USP6NL: variants seen among roughly 807,000 people sequenced by gnomAD.
USP6NL encodes the protein USP6 N-terminal-like protein.
USP6NL carries 26 observed loss-of-function variants against 61.9 expected under a neutral mutation model. That is an observed-to-expected ratio of 0.42 (90% CI 0.31 to 0.58). The LOEUF is 0.58. USP6NL is among the 20% of genes least tolerant of loss of function. The probability of loss-of-function intolerance (pLI) is 0.16; values close to 1 mark genes in which losing one functional copy is unlikely to be tolerated. For missense variants in USP6NL, 1,114 were observed against 1,034.3 expected (o/e 1.08, Z -1.06); for synonymous variants, 432 against 390.1 (o/e 1.11, Z -1.27).
Position 11,471,411 on chromosome 10 carries a change from A to G in USP6NL, c.1079-7562T>C, listed in dbSNP as rs547752233. ...AACTAGTTCAACCATTGTGGAAGTC[A>G]GTGTGGCGATTCCTCAAGGATCTAG... On this transcript the variant is annotated intron_variant, in intron 14 of 14. Transcript: ENST00000609104. 2.0e-4 allele frequency among the ~76,000 whole-genome samples: 31 copies of G among 152,322 alleles called. No homozygotes were observed. In the East Asian group the frequency reaches 6.0e-3, roughly 29 times the overall value.
At chr10:11,608,495 C>T (rs927217409) in intron 1 of USP6NL, among the ~76,000 whole-genome samples, 4 of 152,316 alleles carry the variant, frequency 2.6e-5, no homozygotes, top group Non-Finnish European at 4.4e-5. Flanking sequence ...TGTGAACAAG[C>T]TCTTCTCTCA....
rs1834836447 is a variant in USP6NL, at chr10:11,513,880, G to A, written c.196-4205C>T. On this transcript the variant is annotated intron_variant, in intron 5 of 14. Coordinates refer to ENST00000609104, the MANE Select transcript of USP6NL (RefSeq NM_014688.5). The surrounding 1 kb of genome is among the most constrained non-coding windows in gnomAD (Gnocchi z 4.7). Reference sequence around the variant, plus strand: ...GCCTTTGCTGGCAGGTCCCCAAAGTGCCTTGGCCTTTGTCTCTGATGACAC... The same window carrying A: ...GCCTTTGCTGGCAGGTCCCCAAAGTACCTTGGCCTTTGTCTCTGATGACAC... 6.6e-6 allele frequency among the ~76,000 whole-genome samples: 1 copy of A among 152,112 alleles called. No homozygotes were observed. Among genetic ancestry groups the A allele is most frequent in the South Asian group, 2.1e-4 (1 of 4,818 alleles).
intron 5 of USP6NL, 69 bp from the exon 6 acceptor site, chr10:11,509,744 A>T: frequency 7.7e-7 from 1 of 1,296,094 alleles, no homozygotes; most frequent in South Asian, 1.4e-5. Context: ...AAAAACTTCA[A>T]AGAAAATGCT....
chr10:11,551,144 A>C (rs1337141840), intron 2 of USP6NL, among the ~76,000 whole-genome samples: 2 of 152,244 alleles, frequency 1.3e-5, no homozygotes, highest in African/African-American at 4.8e-5. Flanking sequence ...TACGCAAAAG[A>C]AACAAAAACA....
chr10:11,492,208 T>A (rs912214572), intron 8 of USP6NL, among the ~76,000 whole-genome samples: 4 of 152,186 alleles, frequency 2.6e-5, no homozygotes, highest in Admixed American at 6.5e-5. Context: ...TTGGTTACTA[T>A]CTTACTTGGA....
At position 11,598,748 on chromosome 10, in the gene USP6NL, A is replaced by C. The variant is rs1386756922; in HGVS notation, c.-83-1031T>G. Among the ~76,000 whole-genome samples the C allele has an allele frequency of 1.3e-5, 2 of 152,246 alleles. No individual in the cohort carries two copies. Among genetic ancestry groups the C allele is most frequent in the Admixed American group, 6.5e-5 (1 of 15,280 alleles). Reference sequence around the variant, plus strand: ...TACTAGAGACCTCTGCTTTAGAATCAAAGTTAGGGAAATACTTTTTGAAGA... The same window carrying C: ...TACTAGAGACCTCTGCTTTAGAATCCAAGTTAGGGAAATACTTTTTGAAGA... On this transcript the variant is annotated intron_variant, in intron 1 of 14. Coordinates refer to ENST00000609104, the MANE Select transcript of USP6NL (RefSeq NM_014688.5). This position sits in a 1 kb window ranked among gnomAD's most constrained non-coding sequence, Gnocchi z 4.7.
chr10:11,526,424 A>T (rs1343458803), intron 3 of USP6NL, among the ~76,000 whole-genome samples: 1 of 152,172 alleles, frequency 6.6e-6, no homozygotes, highest in East Asian at 1.9e-4. Flanking sequence ...GGACTGTGTT[A>T]ATTGTGTGGG....
chr10:11,611,512 T>TCCGGC lies in USP6NL; in HGVS notation c.-158_-154dup, dbSNP rs1021825309. The TCCGGC allele has an allele frequency of 2.5e-5, 4 of 159,210 alleles. No individual in the cohort carries two copies. Among genetic ancestry groups the TCCGGC allele is most frequent in the African/African-American group, 7.3e-5 (3 of 41,026 alleles). The allele number at this position is 159,210 out of a possible 1,614,324, so 9.9% of individuals were successfully genotyped here. A position where few individuals can be genotyped will look rare whatever the true frequency, so the allele number is the denominator to read the frequency against. On this transcript the variant is annotated 5_prime_UTR_variant, in exon 1 of 15. Coordinates refer to ENST00000609104, the MANE Select transcript of USP6NL (RefSeq NM_014688.5). This position sits in a 1 kb window ranked among gnomAD's most constrained non-coding sequence, Gnocchi z 5.3. ...TGGCGGTCCCGGGCGGCCGAGCAGA[T>TCCGGC]CCGGCGCGGCGCGGCGCGGCGGCGG... is the stretch of plus-strand genomic sequence containing the variant.
chr10:11,486,843 TC>T (rs1269221763), intron 10 of USP6NL, among the ~76,000 whole-genome samples: 1 of 152,092 alleles, frequency 6.6e-6, no homozygotes, highest in Non-Finnish European at 1.5e-5. Flanking sequence ...GAGTCCATTT[TC>T]CCCCCAGAAA....
At chr10:11,484,148 C>T (rs1387293786) in intron 13 of USP6NL, among the ~76,000 whole-genome samples, 1 of 152,146 alleles carries the variant, frequency 6.6e-6, no homozygotes. Context: ...GCACAATGAA[C>T]ATGAAACTAT....
intron 2 of USP6NL, among the ~76,000 whole-genome samples, chr10:11,566,147 T>A (rs1223324622): frequency 6.6e-6 from 1 of 152,200 alleles, no homozygotes; most frequent in East Asian, 1.9e-4. Context: ...AAATGCCTGA[T>A]GAAGGAGGCT....
chr10:11,547,064 T>C (rs1363008344), intron 2 of USP6NL, among the ~76,000 whole-genome samples: 2 of 152,218 alleles, frequency 1.3e-5, no homozygotes, highest in East Asian at 3.8e-4. Context: ...TTTGTTTTCA[T>C]CTGATTCAAC....
Position 11,562,281 on chromosome 10 carries a change from TG to T in USP6NL, c.5-34715del. ...CATCTCAAAAAAAAAAAAAAAAAAT[TG>T]CATTCCCAGGACCCCCCTGCAGCTA... On this transcript the variant is annotated intron_variant, in intron 2 of 14. Coordinates refer to ENST00000609104, the MANE Select transcript of USP6NL (RefSeq NM_014688.5). This position sits in a 1 kb window ranked among gnomAD's most constrained non-coding sequence, Gnocchi z 4.8. 1.6e-6 allele frequency: 1 copy of T among 625,898 alleles called. No homozygotes were observed. The highest frequency in any genetic ancestry group is 2.0e-6 in the Non-Finnish European group (1 of 501,198). The allele number at this position is 625,898 out of a possible 1,614,324, so 38.8% of individuals were successfully genotyped here. A position where few individuals can be genotyped will look rare whatever the true frequency, so the allele number is the denominator to read the frequency against.
rs374188812 is a variant in USP6NL at position 11,499,414 on chromosome 10, G to A, written c.384+1687C>T. 7.9e-5 allele frequency among the ~76,000 whole-genome samples: 12 copies of A among 152,240 alleles called. No homozygotes were observed. In the East Asian group the frequency reaches 1.5e-3, roughly 20 times the overall value. On this transcript the variant is annotated intron_variant, in intron 7 of 14. Coordinates refer to ENST00000609104, the MANE Select transcript of USP6NL (RefSeq NM_014688.5). The surrounding 1 kb of genome is among the most constrained non-coding windows in gnomAD (Gnocchi z 4.5). ...CATAGAAAAAGTCTAAAATATAACT[G>A]AAAATTAGAGTACTATTAGCAGGCA...
In USP6NL at chr10:11,468,598, A is replaced by G. The variant is rs558489119; in HGVS notation, c.1079-4749T>C. 5.6e-4 allele frequency among the ~76,000 whole-genome samples: 86 copies of G among 152,356 alleles called. No homozygotes were observed. Among genetic ancestry groups the G allele is most frequent in the Non-Finnish European group, 1.1e-3 (78 of 68,034 alleles). The stretch of plus-strand genomic sequence containing the variant: ...AGGACAGCAGCAAGATGGTTTCATA[A>G]AACACCAGTGTGGTGCAGGAAACAA... On this transcript the variant is annotated intron_variant, in intron 14 of 14. Coordinates refer to ENST00000609104, the MANE Select transcript of USP6NL (RefSeq NM_014688.5). The surrounding 1 kb of genome is among the most constrained non-coding windows in gnomAD (Gnocchi z 4.5).
rs1287041180 is a variant in USP6NL at position 11,463,364 on chromosome 10, G to A, written c.1564C>T (p.Pro522Ser). 1 of 1,613,992 alleles carries A rather than the reference G, an allele frequency of 6.2e-7. No homozygotes were observed. The highest frequency in any genetic ancestry group is 1.1e-5 in the South Asian group (1 of 91,090). The change falls in exon 15 of 15, where the codon CCT (proline) becomes TCT (serine). Residue 522 changes from proline to serine, a missense_variant. Physicochemically the swap from Pro to Ser is moderately conservative, Grantham distance 74 (BLOSUM62 -1). Coordinates refer to ENST00000609104, the MANE Select transcript of USP6NL (RefSeq NM_014688.5). The surrounding 1 kb of genome is among the most constrained non-coding windows in gnomAD (Gnocchi z 6.3). ...ACGTTTGACACCCGCACCTCGGCAGGACCTGGGACGGTAACTGCGAGCGCG... is the reference window on the plus strand; with the variant it reads ...ACGTTTGACACCCGCACCTCGGCAGAACCTGGGACGGTAACTGCGAGCGCG... ...HPALAVTVPG[P>S]AEVRVSNVRP...
chr10:11,600,662 G>A lies in USP6NL; in HGVS notation c.-83-2945C>T, dbSNP rs1838489811. 1.3e-5 allele frequency among the ~76,000 whole-genome samples: 2 copies of A among 152,136 alleles called. No homozygotes were observed. The highest frequency in any genetic ancestry group is 2.9e-5 in the Non-Finnish European group (2 of 68,004). ...AAATCAGCAAAACACATAAAGGTGAGAAATAAGCATTAAAAATGTTTATCA... is the reference window on the plus strand; with the variant it reads ...AAATCAGCAAAACACATAAAGGTGAAAAATAAGCATTAAAAATGTTTATCA... On this transcript the variant is annotated intron_variant, in intron 1 of 14. Transcript: ENST00000609104. This position sits in a 1 kb window ranked among gnomAD's most constrained non-coding sequence, Gnocchi z 4.1.
In USP6NL at chr10:11,478,629, T is replaced by A. The variant is rs1297798070; in HGVS notation, c.1078+3141A>T. Among the ~76,000 whole-genome samples the A allele has an allele frequency of 6.6e-6, 1 of 152,144 alleles. No individual in the cohort carries two copies. Among genetic ancestry groups the A allele is most frequent in the African/African-American group, 2.4e-5 (1 of 41,438 alleles). ...CCCTAATAGATATGCAAAGTGTAAC[T>A]GGAGGCCGGATACTCCTGTTATCCT... On this transcript the variant is annotated intron_variant, in intron 14 of 14. Coordinates refer to ENST00000609104, the MANE Select transcript of USP6NL (RefSeq NM_014688.5). The surrounding 1 kb of genome is among the most constrained non-coding windows in gnomAD (Gnocchi z 6.8).
rs1835528926 is a variant in USP6NL, at chr10:11,528,856, T to C, written c.5-1289A>G. Among the ~76,000 whole-genome samples, 1 of 152,044 alleles carries C rather than the reference T, an allele frequency of 6.6e-6. No individual in the cohort carries two copies. The stretch of plus-strand genomic sequence containing the variant: ...AGCTGAGTAAAGGAAGTCAAATCCC[T>C]GAAAGTTGAAGGGACATGCATGTGT... On this transcript the variant is annotated intron_variant, in intron 2 of 14. Transcript: ENST00000609104. This position sits in a 1 kb window ranked among gnomAD's most constrained non-coding sequence, Gnocchi z 4.6.
Sources: allele counts gnomAD v4.1 joint callset (sites outside exome capture counted in the v4.1 genomes callset), GRCh38; gene constraint gnomAD v4.1.1; non-coding constraint Gnocchi (gnomAD v3.1); transcripts MANE v1.5; gene names NCBI Gene and HGNC (gene_info 2026-07-23, HGNC 2026-07-21).